The following AMY2B variants were observed in gnomAD, a reference collection of about 807,000 sequenced individuals.
AMY2B encodes alpha-amylase 2B.
A neutral mutation model predicts 59.3 loss-of-function variants in AMY2B; 63 were observed. That is an observed-to-expected ratio of 1.06 (90% confidence interval 0.87 to 1.31). The LOEUF (loss-of-function observed/expected upper bound fraction) is 1.31. AMY2B is among the 50% of genes most tolerant of loss of function. AMY2B has a pLI of 0.00. For missense variants in AMY2B, 635 were observed against 626.7 expected, an observed-to-expected ratio of 1.01 and a Z score of -0.14; for synonymous variants, 180 against 198.1, an observed-to-expected ratio of 0.91 and a Z score of 0.77.
At chr1:103,573,312 T>A (rs1396260495) in intron 3 of AMY2B, 52 bp downstream of exon 3, 2 of 1,611,192 alleles carry the variant, frequency 1.2e-6, no homozygotes, top group Admixed American at 1.7e-5. Flanking sequence ...ATGCCTTTTC[T>A]TGTAGACATG....
intron 1 of AMY2B, among the ~76,000 whole-genome samples, chr1:103,560,511 A>G (rs1425356071): frequency 6.6e-6 from 1 of 152,112 alleles, no homozygotes; most frequent in Non-Finnish European, 1.5e-5. Context: ...GAAACATTTA[A>G]TCAATTTACA....
intron 4 of AMY2B, 76 bp from the exon 5 acceptor site, chr1:103,574,184 A>G (rs1252143625): frequency 1.3e-6 from 2 of 1,592,150 alleles, no homozygotes; most frequent in Non-Finnish European, 1.7e-6. Flanking sequence ...GCTATCTTTT[A>G]TATAATATTA....
Position 103,571,620 on chromosome 1 carries a change from G to A in AMY2B, c.18G>A (p.Leu6=). MKFFL[L]LFTIGFCWAQ... Reference sequence around the variant, plus strand: ...AAAGCAAAATGAAGTTCTTTCTGTTGCTTTTCACCATTGGGTTCTGCTGGG... The same window carrying A: ...AAAGCAAAATGAAGTTCTTTCTGTTACTTTTCACCATTGGGTTCTGCTGGG... The change falls in exon 1 of 10, where the codon TTG becomes TTA. Residue 6 remains leucine (L), a synonymous_variant. Transcript: ENST00000684275. 1.2e-6 allele frequency: 2 copies of A among 1,611,386 alleles called. No individual in the cohort carries two copies. The highest frequency in any genetic ancestry group is 1.1e-5 in the South Asian group (1 of 90,984).
chr1:103,579,014 T>C (rs1196282113), intron 9 of AMY2B, among the ~76,000 whole-genome samples: 1 of 152,220 alleles, frequency 6.6e-6, no homozygotes, highest in Non-Finnish European at 1.5e-5. Context: ...AATTTGATTT[T>C]AACAAGCTAG....
At chr1:103,564,067 T>C (rs1651826274) in intron 1 of AMY2B, among the ~76,000 whole-genome samples, 1 of 152,096 alleles carries the variant, frequency 6.6e-6, no homozygotes, top group Admixed American at 6.6e-5. Context: ...GGTAAAAATA[T>C]CAATACAAAA....
chr1:103,570,432 GC>G, upstream of AMY2B: 1 of 867,430 alleles, frequency 1.2e-6, no homozygotes, highest in South Asian at 1.3e-5. Context: ...AGACCTGTAG[GC>G]CAACACGGTG....
chr1:103,574,002 A>C (rs1652245293), intron 4 of AMY2B, 64 bp downstream of exon 4: 2 of 1,611,686 alleles, frequency 1.2e-6, no homozygotes, highest in African/African-American at 2.7e-5. Context: ...TGGCAGATTT[A>C]ATTAAAAATG....
At chr1:103,574,183 T>C in intron 4 of AMY2B, 77 bp from the exon 5 acceptor site, 5 of 1,588,860 alleles carry the variant, frequency 3.1e-6, no homozygotes, top group Admixed American at 1.8e-5. Context: ...AGCTATCTTT[T>C]ATATAATATT....
upstream of AMY2B, chr1:103,571,041 G>A: frequency 2.3e-6 from 1 of 428,274 alleles, no homozygotes; most frequent in African/African-American, 2.1e-5. Flanking sequence ...TCAGGACTGA[G>A]TGTTCTGGGA....
chr1:103,570,109 A>G (rs1283210683), upstream of AMY2B: 4 of 439,896 alleles, frequency 9.1e-6, no homozygotes, highest in Non-Finnish European at 1.8e-5. Context: ...GGACCTGACC[A>G]ACTACCTCAT....
upstream of AMY2B, among the ~76,000 whole-genome samples, chr1:103,567,638 A>G (rs1651954694): frequency 1.3e-5 from 2 of 152,080 alleles, no homozygotes; most frequent in African/African-American, 2.4e-5. Flanking sequence ...TTATCCTCCT[A>G]TAATCTGGTT....
intron 1 of AMY2B, 136 bp downstream of exon 1, chr1:103,571,906 A>C: frequency 1.9e-6 from 3 of 1,581,188 alleles, no homozygotes; most frequent in Non-Finnish European, 2.6e-6. Context: ...TGAGGAAAAA[A>C]CAATGTAGTA....
chr1:103,563,895 C>A (rs1651820848), intron 1 of AMY2B, among the ~76,000 whole-genome samples: 1 of 152,068 alleles, frequency 6.6e-6, no homozygotes, highest in Admixed American at 6.6e-5. Flanking sequence ...ATTGGTGATT[C>A]TTTTTCATCT....
intron 1 of AMY2B, among the ~76,000 whole-genome samples, chr1:103,563,614 C>T (rs1000837823): frequency 6.6e-6 from 1 of 152,034 alleles, no homozygotes; most frequent in African/African-American, 2.4e-5. Flanking sequence ...ATGCCTGACT[C>T]TTAGTAGAAG....
At chr1:103,570,537 G>T (rs989103137), upstream of AMY2B, 2 of 606,476 alleles carry the variant, frequency 3.3e-6, no homozygotes, top group Admixed American at 3.7e-5. Flanking sequence ...CAAGATGATC[G>T]CATCCCCAGA....
intron 1 of AMY2B, among the ~76,000 whole-genome samples, chr1:103,555,994 G>A (rs2101057766): frequency 6.6e-6 from 1 of 152,226 alleles, no homozygotes; most frequent in East Asian, 1.9e-4. Context: ...AGTAACGGTA[G>A]GATGAAGGGC....
intron 7 of AMY2B, chr1:103,575,864 G>A (rs1212724190): frequency 4.4e-6 from 1 of 229,042 alleles, no homozygotes; most frequent in Non-Finnish European, 8.5e-6. Context: ...GGGTTAATAG[G>A]AAGATTATAC....
At chr1:103,559,612 CATA>C (rs1651670410) in intron 1 of AMY2B, among the ~76,000 whole-genome samples, 1 of 151,850 alleles carries the variant, frequency 6.6e-6, no homozygotes, top group African/African-American at 2.4e-5. Flanking sequence ...ACGATAATAA[CATA>C]AGAACTGGAA....
At chr1:103,558,800 C>T (rs983589748) in intron 1 of AMY2B, among the ~76,000 whole-genome samples, 2 of 149,220 alleles carry the variant, frequency 1.3e-5, no homozygotes, top group African/African-American at 4.9e-5. Context: ...ATACATTTTT[C>T]CTCTGTCTCT....
Sources: gnomAD v4.1 joint callset for allele counts (sites outside exome capture counted in the v4.1 genomes callset) on GRCh38, gnomAD v4.1.1 for gene constraint, MANE v1.5 for transcripts, NCBI Gene and HGNC (gene_info 2026-07-23, HGNC 2026-07-21) for gene names.